Variants in LRMDA observed in about 807,000 individuals in gnomAD.
The protein encoded by LRMDA is leucine-rich melanocyte differentiation-associated protein.
A neutral mutation model predicts 29.8 loss-of-function variants in LRMDA; 18 were observed. The ratio of observed to expected loss-of-function variants is 0.60; its 90% CI spans 0.42 to 0.90. The LOEUF (loss-of-function observed/expected upper bound fraction) is 0.90. LRMDA is among the 40% of genes least tolerant of loss of function. The pLI, the probability that LRMDA is intolerant of heterozygous loss-of-function variation, is 0.00. For synonymous variants in LRMDA, 125 were observed against 109.4 expected (o/e 1.14, Z -0.89); for missense variants, 273 against 273.9 (o/e 1.00, Z 0.02).
At chr10:75,753,576 G>A (rs1842992042) in intron 2 of LRMDA, among the ~76,000 whole-genome samples, 1 of 152,156 alleles carries the variant, frequency 6.6e-6, no homozygotes, top group Admixed American at 6.5e-5. Flanking sequence ...GGGCTGGTGA[G>A]CTGGCTAGGA....
intron 2 of LRMDA, among the ~76,000 whole-genome samples, chr10:75,518,060 G>A (rs1053209161): frequency 7.2e-5 from 11 of 152,138 alleles, no homozygotes; most frequent in African/African-American, 2.4e-4. Flanking sequence ...CCACTTGATT[G>A]TGGTGGATAA....
At chr10:75,708,296 A>G (rs564938449) in intron 2 of LRMDA, among the ~76,000 whole-genome samples, 5 of 152,100 alleles carry the variant, frequency 3.3e-5, no homozygotes, top group Non-Finnish European at 5.9e-5. Context: ...CTCTCTCATA[A>G]CACATTCCCA....
At chr10:76,137,313 T>C (rs1850112985) in intron 5 of LRMDA, among the ~76,000 whole-genome samples, 1 of 152,236 alleles carries the variant, frequency 6.6e-6, no homozygotes, top group African/African-American at 2.4e-5. Flanking sequence ...GATATATTTA[T>C]ATGGACAATG....
chr10:75,770,933 G>A lies in LRMDA; in HGVS notation c.132-265075G>A, dbSNP rs114077596. On this transcript the variant is annotated intron_variant, in intron 2 of 6. Transcript: ENST00000611255. ...TAATGGGGTGAAGTTAAGCAGAGAG[G>A]AATTTAGGCTGGGAAAATCAGGACA... 4.9e-3 allele frequency among the ~76,000 whole-genome samples: 752 copies of A among 152,282 alleles called. 11 individuals are homozygous for A. The highest frequency in any genetic ancestry group is 0.017 in the African/African-American group (724 of 41,534).
intron 6 of LRMDA, among the ~76,000 whole-genome samples, chr10:76,440,247 A>G (rs2132290898): frequency 6.6e-6 from 1 of 152,338 alleles, no homozygotes; most frequent in South Asian, 2.1e-4. Flanking sequence ...GCCATGTAAG[A>G]TTTAGATAAT....
At chr10:76,445,866 G>GT (rs1406144257) in intron 6 of LRMDA, among the ~76,000 whole-genome samples, 1 of 151,956 alleles carries the variant, frequency 6.6e-6, no homozygotes, top group Non-Finnish European at 1.5e-5. Context: ...TGTTACTCAT[G>GT]TTTTCCCAAT....
chr10:75,692,217 A>T (rs1357590248), intron 2 of LRMDA, among the ~76,000 whole-genome samples: 15 of 50,588 alleles, frequency 3.0e-4, no homozygotes, highest in African/African-American at 1.3e-3. Flanking sequence ...GGAAAAAAAA[A>T]AAATATATAT....
At position 76,537,626 on chromosome 10, in the gene LRMDA, C is replaced by A. The variant is rs546871071; in HGVS notation, c.602-19583C>A. Among the ~76,000 whole-genome samples, 75 of 152,302 alleles carry A rather than the reference C, an allele frequency of 4.9e-4. No homozygotes were observed. The South Asian group carries it at 7.9e-3, about 16-fold the overall frequency. ...TGCACCGCTCTGACGGCTTTTCCAT[C>A]GTCACATCTGCCTCTCTGATGACAG... On this transcript the variant is annotated intron_variant, in intron 6 of 6. Coordinates refer to ENST00000611255, the MANE Select transcript of LRMDA (RefSeq NM_001305581.2).
intron 2 of LRMDA, among the ~76,000 whole-genome samples, chr10:75,504,422 G>A (rs1311467492): frequency 6.6e-6 from 1 of 152,152 alleles, no homozygotes; most frequent in Non-Finnish European, 1.5e-5. Flanking sequence ...GATGGGGCAG[G>A]GAGGAAGTGG....
intron 2 of LRMDA, among the ~76,000 whole-genome samples, chr10:75,891,413 AG>A (rs905699257): frequency 6.6e-6 from 1 of 152,164 alleles, no homozygotes; most frequent in African/African-American, 2.4e-5. Flanking sequence ...GACCTGAGGG[AG>A]GGGAGCAGAG....
At chr10:75,503,546 T>G (rs1440028787) in intron 2 of LRMDA, among the ~76,000 whole-genome samples, 2 of 151,912 alleles carry the variant, frequency 1.3e-5, no homozygotes, top group Non-Finnish European at 2.9e-5. Flanking sequence ...GCTAATAAAA[T>G]ATTAGTGTTA....
chr10:76,329,125 T>C (rs1195036376), intron 6 of LRMDA, among the ~76,000 whole-genome samples: 1 of 152,226 alleles, frequency 6.6e-6, no homozygotes, highest in Non-Finnish European at 1.5e-5. Context: ...TCCATCTCTC[T>C]AGATTTCCAA....
intron 6 of LRMDA, among the ~76,000 whole-genome samples, chr10:76,541,967 T>A (rs145139424): frequency 1.4e-3 from 220 of 152,364 alleles, no homozygotes; most frequent in African/African-American, 5.0e-3. Flanking sequence ...AGTAATTCTC[T>A]TTTTAAATGA....
intron 2 of LRMDA, among the ~76,000 whole-genome samples, chr10:75,866,236 C>T (rs995560444): frequency 1.3e-5 from 2 of 152,056 alleles, no homozygotes; most frequent in Admixed American, 1.3e-4. Flanking sequence ...CCAGTGGCCA[C>T]CCATGGCTCT....
chr10:75,512,617 A>T (rs1845237706), intron 2 of LRMDA, among the ~76,000 whole-genome samples: 1 of 152,100 alleles, frequency 6.6e-6, no homozygotes, highest in Non-Finnish European at 1.5e-5. Context: ...GTTCTTGGGA[A>T]CTGGCAGCTG....
chr10:76,144,667 A>G (rs1344846242), intron 5 of LRMDA, among the ~76,000 whole-genome samples: 9 of 152,088 alleles, frequency 5.9e-5, no homozygotes, highest in Admixed American at 5.2e-4. Context: ...CTCTTTTCCT[A>G]ATTGAATACC....
chr10:76,544,866 T>G (rs1843400948), intron 6 of LRMDA, among the ~76,000 whole-genome samples: 2 of 152,218 alleles, frequency 1.3e-5, no homozygotes, highest in South Asian at 4.1e-4. Flanking sequence ...TGCTGTGCTT[T>G]CTGCAACAAC....
Position 76,557,213 on chromosome 10 carries a change from C to T in LRMDA, c.606C>T (p.Val202=). The T allele has an allele frequency of 6.2e-7, 1 of 1,613,740 alleles. No individual in the cohort carries two copies. Among genetic ancestry groups the T allele is most frequent in the Non-Finnish European group, 8.5e-7 (1 of 1,179,742 alleles). ...ASRELTSHQG[V]LGKCRYVYYG... Reference sequence around the variant, plus strand: ...TGTGTGTCTTTTTATTTGCAGGTGTCCTGGGGAAGTGTCGCTACGTTTACT... The same window carrying T: ...TGTGTGTCTTTTTATTTGCAGGTGTTCTGGGGAAGTGTCGCTACGTTTACT... The change falls in exon 7 of 7, where the codon GTC becomes GTT. Residue 202 remains valine, a synonymous_variant. Transcript: ENST00000611255.
chr10:75,513,775 C>A (rs1184899088), intron 2 of LRMDA, among the ~76,000 whole-genome samples: 1 of 152,116 alleles, frequency 6.6e-6, no homozygotes, highest in Non-Finnish European at 1.5e-5. Context: ...ACAAACGAGC[C>A]TTGTGATTAC....
Sources: gnomAD v4.1 joint callset for allele counts (sites outside exome capture counted in the v4.1 genomes callset) on GRCh38, gnomAD v4.1.1 for gene constraint, MANE v1.5 for transcripts, NCBI Gene and HGNC (gene_info 2026-07-23, HGNC 2026-07-21) for gene names.